ALS2CL: variants seen among roughly 807,000 people sequenced by gnomAD.
The protein encoded by ALS2CL is ALS2 C-terminal like.
Under a neutral mutation model 127.9 loss-of-function variants are expected in ALS2CL, and 112 were observed. The observed-to-expected ratio is 0.88, with a 90% confidence interval of 0.75 to 1.02. The LOEUF (loss-of-function observed/expected upper bound fraction) is 1.02, where lower values mean the gene tolerates loss of function less well. ALS2CL is among the 50% of genes least tolerant of loss of function. ALS2CL has a pLI of 0.00. For synonymous variants in ALS2CL, 519 were observed against 527.6 expected (o/e 0.98, Z 0.22); for missense variants, 1,174 against 1,236.7 (o/e 0.95, Z 0.76).
In ALS2CL at chr3:46,670,857, G is replaced by T; in HGVS notation, c.*127C>A. ...CAGGGCAGCAGCAGCATCTTCCTGTGCAAAACAAAATGCTCATCTCCTCCA... is the reference window on the plus strand; with the variant it reads ...CAGGGCAGCAGCAGCATCTTCCTGTTCAAAACAAAATGCTCATCTCCTCCA... On this transcript the variant is annotated 3_prime_UTR_variant, in exon 26 of 26. Transcript: ENST00000318962. The surrounding 1 kb of genome is among the most constrained non-coding windows in gnomAD (Gnocchi z 5.5). 1 of 982,444 alleles carries T rather than the reference G, an allele frequency of 1.0e-6. No homozygotes were observed. The highest frequency in any genetic ancestry group is 1.6e-6 in the Non-Finnish European group (1 of 636,312). 60.9% of individuals were successfully genotyped at this position (982,444 alleles called of 1,614,324 possible). A position where few individuals can be genotyped will look rare whatever the true frequency, so the allele number is the denominator to read the frequency against.
At chr3:46,685,768 G>A (rs545388324) in intron 6 of ALS2CL, 124 bp from the exon 7 acceptor site, 35 of 1,365,562 alleles carry the variant, frequency 2.6e-5, no homozygotes, top group Middle Eastern at 2.6e-4. Context: ...GACCTGGAGC[G>A]GACCCTGGGT....
Position 46,682,061 on chromosome 3 carries a change from G to A in ALS2CL, c.1143C>T (p.His381=), listed in dbSNP as rs4683310. The change falls in exon 11 of 26, where the codon CAC becomes CAT. Residue 381 remains histidine, a synonymous_variant. Transcript: ENST00000318962. ...CCAGGCCCTGGCAGAAATTCCCCAC[G>A]TGATTCCGCCCATCCGGCCATTTCA... ...GTLKWPDGRN[H]VGNFCQGLEH... is the part of the protein sequence containing the mutation. 662,509 of 1,613,344 alleles carry A rather than the reference G, an allele frequency of 0.41. 139,364 individuals are homozygous for A. Among genetic ancestry groups the A allele is most frequent in the Non-Finnish European group, 0.43 (506,507 of 1,179,630 alleles).
intron 25 of ALS2CL, 39 bp downstream of exon 25, chr3:46,671,449 A>G: frequency 6.2e-7 from 1 of 1,613,024 alleles, no homozygotes; most frequent in South Asian, 1.1e-5. Flanking sequence ...CCCAGGGGCC[A>G]GGGCATTTCC....
Position 46,681,725 on chromosome 3 carries a change from C to T in ALS2CL, c.1176-127G>A. ...CAGACAACAGGGAGACTCTCAGAGG[C>T]CCTCAGCCTTCCTATCCTTCAAAGG... On this transcript the variant is annotated intron_variant, in intron 11 of 25. Transcript: ENST00000318962. The surrounding 1 kb of genome is among the most constrained non-coding windows in gnomAD (Gnocchi z 4.9). 3 of 969,380 alleles carry T rather than the reference C, an allele frequency of 3.1e-6. No individual in the cohort carries two copies. The highest frequency in any genetic ancestry group is 4.7e-6 in the Non-Finnish European group (3 of 644,276). 60.0% of individuals were successfully genotyped at this position (969,380 alleles called of 1,614,324 possible). A position where few individuals can be genotyped will look rare whatever the true frequency, so the allele number is the denominator to read the frequency against.
chr3:46,686,412 T>C lies in ALS2CL; in HGVS notation c.562A>G (p.Asn188Asp), dbSNP rs1359814562. The change falls in exon 6 of 26, where the codon AAC becomes GAC. Residue 188 changes from asparagine to aspartate, a missense_variant. Asn to Asp is a conservative substitution (Grantham distance 23). Coordinates refer to ENST00000318962, the MANE Select transcript of ALS2CL (RefSeq NM_147129.5). This position sits in a 1 kb window ranked among gnomAD's most constrained non-coding sequence, Gnocchi z 4.3. The part of the protein sequence containing the change: ...EHHPTRELVV[N>D]AVTLFGNLQS... ...AGGTTCCCAAAGAGGGTGACTGCGT[T>C]CACCACCAGCTCCCGGGTTGGGTGA... The C allele has an allele frequency of 1.9e-6, 3 of 1,613,616 alleles. No homozygotes were observed.
At position 46,670,974 on chromosome 3, in the gene ALS2CL, A is replaced by G. The variant is rs747006949; in HGVS notation, c.*10T>C. 3.1e-6 allele frequency: 5 copies of G among 1,612,456 alleles called. No individual in the cohort carries two copies. Among genetic ancestry groups the G allele is most frequent in the Non-Finnish European group, 4.2e-6 (5 of 1,178,462 alleles). On this transcript the variant is annotated 3_prime_UTR_variant, in exon 26 of 26. Transcript: ENST00000318962. This position sits in a 1 kb window ranked among gnomAD's most constrained non-coding sequence, Gnocchi z 5.5. Reference sequence around the variant, plus strand: ...TGCTCAGCTCTTCAGTCTGTCCAGGAAAGGCCAGGCTACCAGAGCTCCCTG... The same window carrying G: ...TGCTCAGCTCTTCAGTCTGTCCAGGGAAGGCCAGGCTACCAGAGCTCCCTG...
In ALS2CL at chr3:46,678,361, G is replaced by T; in HGVS notation, c.1655C>A (p.Thr552Asn). ...KGKVTFPNGF[T>N]LEGSFGSGAG... Reference sequence around the variant, plus strand: ...CCCACTGCCGAACGAGCCCTCCAGGGTGAAGCCATTGGGGAAGGTGACCTT... The same window carrying T: ...CCCACTGCCGAACGAGCCCTCCAGGTTGAAGCCATTGGGGAAGGTGACCTT... Residue 552 changes from threonine (T) to asparagine (N), a missense_variant, in exon 16 of 26, where the codon ACC becomes AAC. Physicochemically the swap from Thr to Asn is moderately conservative, Grantham distance 65 (BLOSUM62 0). Coordinates refer to ENST00000318962, the MANE Select transcript of ALS2CL (RefSeq NM_147129.5). The T allele has an allele frequency of 6.2e-7, 1 of 1,612,984 alleles. No homozygotes were observed. Among genetic ancestry groups the T allele is most frequent in the Non-Finnish European group, 8.5e-7 (1 of 1,179,360 alleles).
In ALS2CL at chr3:46,675,789, T is replaced by C. The variant is rs1373861805; in HGVS notation, c.2187-103A>G. ...AAAAGCAGGTGGCCTCTCAGAACTG[T>C]GGACATGGCCTGCAGGGTTCATCCT... On this transcript the variant is annotated intron_variant, in intron 19 of 25. Coordinates refer to ENST00000318962, the MANE Select transcript of ALS2CL (RefSeq NM_147129.5). 4 of 1,581,436 alleles carry C rather than the reference T, an allele frequency of 2.5e-6. No individual in the cohort carries two copies. The Admixed American group carries it at 7.0e-5, about 27-fold the overall frequency.
Position 46,670,130 on chromosome 3 carries a change from T to C in ALS2CL, c.*854A>G, listed in dbSNP as rs562147863. The C allele has an allele frequency of 6.6e-6, 1 of 152,242 alleles. No individual in the cohort carries two copies. The highest frequency in any genetic ancestry group is 1.9e-4 in the East Asian group (1 of 5,182). The allele number at this position is 152,242 out of a possible 1,614,324, so 9.4% of individuals were successfully genotyped here. ...CGGCACAATGTGACGGAAGATAAAC[T>C]GTGTGGGGAAGAGAAACTGAGGCCC... On this transcript the variant is annotated 3_prime_UTR_variant, in exon 26 of 26. Transcript: ENST00000318962. This position sits in a 1 kb window ranked among gnomAD's most constrained non-coding sequence, Gnocchi z 5.5.
intron 2 of ALS2CL, among the ~76,000 whole-genome samples, chr3:46,688,847 C>G (rs2106746793): frequency 6.6e-6 from 1 of 152,314 alleles, no homozygotes; most frequent in East Asian, 1.9e-4. Flanking sequence ...AGTTTTTTAC[C>G]CTGGGAAAGG....
chr3:46,689,053 A>G (rs1478882717), intron 2 of ALS2CL, among the ~76,000 whole-genome samples: 1 of 53,500 alleles, frequency 1.9e-5, no homozygotes, highest in African/African-American at 1.8e-4. Context: ...AACATGGTAA[A>G]ACCCGTCTCC....
intron 1 of ALS2CL, among the ~76,000 whole-genome samples, chr3:46,691,538 TC>T (rs1700153453): frequency 1.3e-5 from 2 of 152,032 alleles, no homozygotes; most frequent in South Asian, 4.2e-4. Flanking sequence ...CTGTCCCTCG[TC>T]CCCACTGCCC....
At chr3:46,675,596 C>G in intron 20 of ALS2CL, 22 bp downstream of exon 20, 1 of 1,612,302 alleles carries the variant, frequency 6.2e-7, no homozygotes, top group Non-Finnish European at 8.5e-7. Context: ...CGGCAGGCCC[C>G]AAGGAGACCT....
At chr3:46,674,888 T>G in intron 20 of ALS2CL, 149 bp from the exon 21 acceptor site, 2 of 713,506 alleles carry the variant, frequency 2.8e-6, no homozygotes, top group Non-Finnish European at 4.4e-6. Flanking sequence ...TCCAAGCCTG[T>G]TCTCAGTCAT....
chr3:46,683,510 C>T (rs960655637), intron 9 of ALS2CL, among the ~76,000 whole-genome samples, 184 bp from the exon 10 acceptor site: 1 of 152,224 alleles, frequency 6.6e-6, no homozygotes, highest in Admixed American at 6.5e-5. Context: ...ACCTGAGATC[C>T]TCCTCTGCAG....
rs1353033156 is a variant in ALS2CL, at chr3:46,684,041, T to C, written c.793A>G (p.Asn265Asp). Residue 265 changes from asparagine (N) to aspartate (D), a missense_variant, in exon 8 of 26, where the codon AAT becomes GAT. Physicochemically the swap from Asn to Asp is conservative, Grantham distance 23 (BLOSUM62 1). Coordinates refer to ENST00000318962, the MANE Select transcript of ALS2CL (RefSeq NM_147129.5). ...AGCTTCAGATCAAAGGTGTGGACAT[T>C]GTGGCCCTGGAAGAGGATGGACACA... is the stretch of plus-strand genomic sequence containing the variant. Reference protein sequence around the residue: ...DDALVLLQGHNVHTFDLKLVW... With the variant: ...DDALVLLQGHDVHTFDLKLVW... 3 of 1,556,954 alleles carry C rather than the reference T, an allele frequency of 1.9e-6. No individual in the cohort carries two copies. Among genetic ancestry groups the C allele is most frequent in the Non-Finnish European group, 2.6e-6 (3 of 1,149,798 alleles).
Position 46,671,375 on chromosome 3 carries a change from A to T in ALS2CL, c.2781+113T>A, listed in dbSNP as rs1429589992. On this transcript the variant is annotated intron_variant, in intron 25 of 25. Transcript: ENST00000318962. ...AGGACCCTTCCCAGAGTCACACATG[A>T]GCTGTGAATTTGAGCTCCCTCCCAC... The T allele has an allele frequency of 3.4e-6, 5 of 1,491,870 alleles. No individual in the cohort carries two copies. The East Asian group carries it at 1.2e-4, about 36-fold the overall frequency. 92.4% of individuals were successfully genotyped at this position (1,491,870 alleles called of 1,614,324 possible). A position where few individuals can be genotyped will look rare whatever the true frequency, so the allele number is the denominator to read the frequency against.
In ALS2CL at chr3:46,675,479, T is replaced by C. The variant is rs537405705; in HGVS notation, c.2255+139A>G. 3 of 797,658 alleles carry C rather than the reference T, an allele frequency of 3.8e-6. No homozygotes were observed. In the African/African-American group the frequency reaches 5.1e-5, roughly 14 times the overall value. 49.4% of individuals were successfully genotyped at this position (797,658 alleles called of 1,614,324 possible). A position where few individuals can be genotyped will look rare whatever the true frequency, so the allele number is the denominator to read the frequency against. On this transcript the variant is annotated intron_variant, in intron 20 of 25. Transcript: ENST00000318962. ...ATGGGTCATTCTAATCCACAAACGA[T>C]CAATGCACAATGTTTGGTCAATAGA...
At chr3:46,684,678 A>G (rs2106732873) in intron 7 of ALS2CL, among the ~76,000 whole-genome samples, 1 of 152,292 alleles carries the variant, frequency 6.6e-6, no homozygotes. Context: ...CAGGCCAGGG[A>G]CAAGAGATGG....
Sources: gnomAD v4.1 joint callset for allele counts (sites outside exome capture counted in the v4.1 genomes callset) on GRCh38, gnomAD v4.1.1 for gene constraint, Gnocchi (gnomAD v3.1) non-coding constraint, MANE v1.5 for transcripts, NCBI Gene and HGNC (gene_info 2026-07-23, HGNC 2026-07-21) for gene names.